Variants in MMP3 observed in about 807,000 individuals in gnomAD.
MMP3 encodes stromelysin-1.
A neutral mutation model predicts 47.3 loss-of-function variants in MMP3; 46 were observed. The observed-to-expected ratio is 0.97, with a 90% CI of 0.77 to 1.24. The LOEUF is 1.24. Ranked by LOEUF, MMP3 falls within the 50% of genes most tolerant of loss-of-function variation. The pLI, the probability that MMP3 is intolerant of heterozygous loss-of-function variation, is 0.00. For missense variants in MMP3, 558 were observed against 565.5 expected (o/e 0.99, Z 0.13); for synonymous variants, 216 against 206.5 (o/e 1.05, Z -0.39).
At chr11:102,839,439 T>C (rs1379820117) in intron 6 of MMP3, among the ~76,000 whole-genome samples, 196 bp from the exon 7 acceptor site, 1 of 152,180 alleles carries the variant, frequency 6.6e-6, no homozygotes, top group African/African-American at 2.4e-5. Flanking sequence ...TCTCCCGTCA[T>C]AGGTTTCCAG....
chr11:102,841,125 A>G (rs1858989846), intron 4 of MMP3, among the ~76,000 whole-genome samples: 3 of 152,216 alleles, frequency 2.0e-5, no homozygotes, highest in Non-Finnish European at 2.9e-5. Flanking sequence ...GATTTGCAAA[A>G]TTGGTTTAAA....
At chr11:102,840,715 T>C (rs1014163844) in intron 4 of MMP3, 122 bp from the exon 5 acceptor site, 1 of 971,712 alleles carries the variant, frequency 1.0e-6, no homozygotes, top group African/African-American at 1.7e-5. Context: ...TACACCTTGT[T>C]TGTTGGTTAA....
Position 102,843,530 on chromosome 11 carries a change from A to T in MMP3, c.17T>A (p.Ile6Asn). Residue 6 changes from isoleucine (I) to asparagine (N), a missense_variant, in exon 1 of 10, where the codon ATC becomes AAC. By Grantham distance (149) the Ile-to-Asn change is moderately radical. Coordinates refer to ENST00000299855, the MANE Select transcript of MMP3 (RefSeq NM_002422.5). MKSLP[I>N]LLLLCVAVCS... ...AACTGCCACGCACAGCAACAGTAGG[A>T]TTGGAAGACTCTTCATTTCCACTGG... is the stretch of plus-strand genomic sequence containing the variant. 1 of 1,613,306 alleles carries T rather than the reference A, an allele frequency of 6.2e-7. No homozygotes were observed. The highest frequency in any genetic ancestry group is 8.5e-7 in the Non-Finnish European group (1 of 1,179,650).
intron 3 of MMP3, 25 bp downstream of exon 3, chr11:102,842,406 T>TTTTTTTTTTTTTTTTTTTTTTTC (rs1565226072): frequency 8.9e-6 from 4 of 447,996 alleles, no homozygotes; most frequent in Non-Finnish European, 9.8e-6. Flanking sequence ...TTGTTTTGCT[T>TTTTTTTTTTTTTTTTTTTTTTTC]TTTTTTTTTT....
Position 102,840,493 on chromosome 11 carries a change from T to C in MMP3, c.726A>G (p.Ser242=). The change falls in exon 5 of 10, where the codon TCA becomes TCG. Residue 242 remains serine (S), a synonymous_variant. Coordinates refer to ENST00000299855, the MANE Select transcript of MMP3 (RefSeq NM_002422.5). ...GGCGGAACCGAGTCAGGTCTGTGAG[T>C]GAGTGATAGAGTGGGTACATCAAAG... ...TEALMYPLYH[S]LTDLTRFRLS... The C allele has an allele frequency of 6.2e-7, 1 of 1,613,918 alleles. No individual in the cohort carries two copies. Among genetic ancestry groups the C allele is most frequent in the African/African-American group, 1.3e-5 (1 of 74,974 alleles).
rs548316907 is a variant in MMP3, at chr11:102,842,062, A to G, written c.625+92T>C. ...TCTCTGATCCACTGGAAAATCCAGA[A>G]CATCTCATTTCTTGAGCATTCTTGG... On this transcript the variant is annotated intron_variant, in intron 4 of 9. Transcript: ENST00000299855. 9 of 1,276,748 alleles carry G rather than the reference A, an allele frequency of 7.0e-6. No individual in the cohort carries two copies. The Admixed American group carries it at 1.9e-4, about 27-fold the overall frequency. 79.1% of individuals were successfully genotyped at this position (1,276,748 alleles called of 1,614,324 possible). A position where few individuals can be genotyped will look rare whatever the true frequency, so the allele number is the denominator to read the frequency against.
intron 7 of MMP3, 136 bp from the exon 8 acceptor site, chr11:102,838,846 G>T: frequency 8.9e-7 from 1 of 1,124,808 alleles, no homozygotes; most frequent in Non-Finnish European, 1.2e-6. Context: ...CCAGCTTACA[G>T]TGGGCTTTTC....
rs1306648127 is a variant in MMP3, at chr11:102,836,665, TAGGA to T, written c.1334-443_1334-440del. 2.4e-5 allele frequency: 10 copies of T among 424,238 alleles called. No individual in the cohort carries two copies. Among genetic ancestry groups the T allele is most frequent in the African/African-American group, 2.1e-4 (10 of 48,764 alleles). 26.3% of individuals were successfully genotyped at this position (424,238 alleles called of 1,614,324 possible). ...CCTCCCTTTTCCCTGCATTGCAGCC[TAGGA>T]AGCACAGCAACTATTTCAAAACACC... is the stretch of plus-strand genomic sequence containing the variant. On this transcript the variant is annotated intron_variant, in intron 9 of 9. Transcript: ENST00000299855. The surrounding 1 kb of genome is among the most constrained non-coding windows in gnomAD (Gnocchi z 4.6).
At chr11:102,842,640 A>G in intron 2 of MMP3, 32 bp downstream of exon 2, 8 of 1,612,832 alleles carry the variant, frequency 5.0e-6, no homozygotes, top group Middle Eastern at 1.7e-4. Flanking sequence ...ATAAAATTCC[A>G]ATCTTATGTG....
rs1859022857 is a variant in MMP3 at position 102,842,481 on chromosome 11, G to A, written c.449C>T (p.Ser150Phe). ...ATCAGCCTCTCCTTCATACAGCCTGGAGAATGTGAGTGGAGTCACCTCTTC... is the reference window on the plus strand; with the variant it reads ...ATCAGCCTCTCCTTCATACAGCCTGAAGAATGTGAGTGGAGTCACCTCTTC... ...VWEEVTPLTF[S>F]RLYEGEADIM... Residue 150 changes from serine to phenylalanine, a missense_variant, in exon 3 of 10, where the codon TCC (serine) becomes TTC (phenylalanine). Coordinates refer to ENST00000299855, the MANE Select transcript of MMP3 (RefSeq NM_002422.5). 6.4e-7 allele frequency: 1 copy of A among 1,568,376 alleles called. No homozygotes were observed. The highest frequency in any genetic ancestry group is 8.7e-7 in the Non-Finnish European group (1 of 1,155,508).
chr11:102,839,043 GTGT>G, intron 7 of MMP3, 64 bp downstream of exon 7: 1 of 1,538,914 alleles, frequency 6.5e-7, no homozygotes, highest in African/African-American at 1.4e-5. Context: ...GAAAATTAAA[GTGT>G]TGTTCAATTT....
Position 102,842,833 on chromosome 11 carries a change from T to A in MMP3, c.189A>T (p.Lys63Asn). 6.2e-7 allele frequency: 1 copy of A among 1,613,868 alleles called. No homozygotes were observed. The highest frequency in any genetic ancestry group is 8.5e-7 in the Non-Finnish European group (1 of 1,179,908). ...RRKDSGPVVKKIREMQKFLGL... is the reference protein window; with the variant it reads ...RRKDSGPVVKNIREMQKFLGL... ...CAAGGAACTTCTGCATTTCTCGGAT[T>A]TTTTTAACAACAGGACCACTGTCCT... is the stretch of plus-strand genomic sequence containing the variant. Residue 63 changes from lysine to asparagine, a missense_variant, in exon 2 of 10, where the codon AAA becomes AAT. Coordinates refer to ENST00000299855, the MANE Select transcript of MMP3 (RefSeq NM_002422.5).
rs680753 is a variant in MMP3, at chr11:102,840,850, C to G, written c.626-257G>C. Among the ~76,000 whole-genome samples the G allele has an allele frequency of 0.11, 16,457 of 151,786 alleles. 1,252 individuals carry two copies. Among genetic ancestry groups the G allele is most frequent in the Middle Eastern group, 0.14 (40 of 294 alleles). On this transcript the variant is annotated intron_variant, in intron 4 of 9. Transcript: ENST00000299855. The stretch of plus-strand genomic sequence containing the variant: ...CTTGCCCCCCATGGCCCCAAACCCA[C>G]CCCCAGCCTCACAAGCATATTAACT...
At position 102,836,804 on chromosome 11, in the gene MMP3, T is replaced by A. The variant is rs3016198; in HGVS notation, c.1333+494A>T. 1.4e-5 allele frequency: 3 copies of A among 222,126 alleles called. No homozygotes were observed. Among genetic ancestry groups the A allele is most frequent in the Non-Finnish European group, 1.8e-5 (2 of 110,472 alleles). The allele number at this position is 222,126 out of a possible 1,614,324, so 13.8% of individuals were successfully genotyped here. ...AGAAAACAAAATCTTTTTTTTTTTT[T>A]AAACTTTGGGCACATGGAAAGGTAA... On this transcript the variant is annotated intron_variant, in intron 9 of 9. Transcript: ENST00000299855. The surrounding 1 kb of genome is among the most constrained non-coding windows in gnomAD (Gnocchi z 4.6).
rs1555004673 is a variant in MMP3 at position 102,837,062 on chromosome 11, T to C, written c.1333+236A>G. Among the ~76,000 whole-genome samples the C allele has an allele frequency of 6.6e-6, 1 of 152,200 alleles. No homozygotes were observed. The highest frequency in any genetic ancestry group is 1.9e-4 in the East Asian group (1 of 5,198). On this transcript the variant is annotated intron_variant, in intron 9 of 9. Transcript: ENST00000299855. This position sits in a 1 kb window ranked among gnomAD's most constrained non-coding sequence, Gnocchi z 4.4. ...GTAAGTGACACTGGAGCACTTTGAT[T>C]TTATATGCATGTATAAGATAAAGTA... is the stretch of plus-strand genomic sequence containing the variant.
rs1591103078 is a variant in MMP3 at position 102,839,048 on chromosome 11, G to A, written c.1069+62C>T. The A allele has an allele frequency of 3.9e-6, 6 of 1,556,128 alleles. No individual in the cohort carries two copies. In the East Asian group the frequency reaches 1.3e-4, roughly 35 times the overall value. ...TTGTAGTAGGGAAAATTAAAGTGTT[G>A]TTCAATTTCTTATGAGAGGGTTTAC... is the stretch of plus-strand genomic sequence containing the variant. On this transcript the variant is annotated intron_variant, in intron 7 of 9. Coordinates refer to ENST00000299855, the MANE Select transcript of MMP3 (RefSeq NM_002422.5).
In MMP3 at chr11:102,838,481, G is replaced by T. The variant is rs1591102595; in HGVS notation, c.1229+70C>A. On this transcript the variant is annotated intron_variant, in intron 8 of 9. Transcript: ENST00000299855. ...AAGCAGGCCTAAGGTTGGGGTGGGG[G>T]ATTTCCTTAGTAAAAGAAACTAATT... 3.3e-6 allele frequency: 5 copies of T among 1,505,860 alleles called. No homozygotes were observed. The East Asian group carries it at 9.1e-5, about 27-fold the overall frequency. 93.3% of individuals were successfully genotyped at this position (1,505,860 alleles called of 1,614,324 possible). A position where few individuals can be genotyped will look rare whatever the true frequency, so the allele number is the denominator to read the frequency against.
At chr11:102,838,814 G>A in intron 7 of MMP3, 104 bp from the exon 8 acceptor site, 10 of 1,340,000 alleles carry the variant, frequency 7.5e-6, no homozygotes, top group Non-Finnish European at 1.0e-5. Flanking sequence ...TAAAGTAGTA[G>A]CCCAAATTTT....
At chr11:102,841,863 G>A (rs1172328322) in intron 4 of MMP3, among the ~76,000 whole-genome samples, 1 of 152,030 alleles carries the variant, frequency 6.6e-6, no homozygotes, top group Non-Finnish European at 1.5e-5. Flanking sequence ...TTGAATGTTT[G>A]TATTTTGATA....
Sources: gnomAD v4.1 joint callset for allele counts (sites outside exome capture counted in the v4.1 genomes callset) on GRCh38, gnomAD v4.1.1 for gene constraint, Gnocchi (gnomAD v3.1) non-coding constraint, MANE v1.5 for transcripts, NCBI Gene and HGNC (gene_info 2026-07-23, HGNC 2026-07-21) for gene names.